Variants in RAPGEF6 observed in about 807,000 individuals in gnomAD.
The protein encoded by RAPGEF6 is PDZ domain containing guanine nucleotide exchange factor (GEF) 2.
Under a neutral mutation model 171.4 loss-of-function variants are expected in RAPGEF6, and 56 were observed. The observed-to-expected ratio is 0.33, with a 90% confidence interval of 0.26 to 0.41. The LOEUF (loss-of-function observed/expected upper bound fraction) is 0.41, where lower values mean the gene tolerates loss of function less well. Among genes scored for constraint, RAPGEF6 ranks in the 10% least tolerant of loss-of-function variants. The pLI, the probability that RAPGEF6 is intolerant of heterozygous loss-of-function variation, is 1.00. For synonymous variants in RAPGEF6, 692 were observed against 650.1 expected (o/e 1.06, Z -0.98); for missense variants, 1,674 against 1,921.4 (o/e 0.87, Z 2.41).
At chr5:131,571,924 ATGTTACTTTG>A (rs1762319213) in intron 4 of RAPGEF6, among the ~76,000 whole-genome samples, 1 of 152,028 alleles carries the variant, frequency 6.6e-6, no homozygotes, top group South Asian at 2.1e-4. Flanking sequence ...GCCCTTGTGA[ATGTTACTTTG>A]TAACATCCTC....
chr5:131,433,999 A>G (rs954064270), intron 24 of RAPGEF6, among the ~76,000 whole-genome samples: 12 of 152,326 alleles, frequency 7.9e-5, no homozygotes, highest in Admixed American at 1.3e-4. Context: ...ACAAATATTA[A>G]TAAGTACATG....
chr5:131,607,929 CGTTTTTCATAA>C (rs941032005), intron 1 of RAPGEF6, among the ~76,000 whole-genome samples: 1 of 152,162 alleles, frequency 6.6e-6, no homozygotes, highest in Non-Finnish European at 1.5e-5. Flanking sequence ...ATATATAAAA[CGTTTTTCATAA>C]GATAGGACAT....
intron 4 of RAPGEF6, among the ~76,000 whole-genome samples, chr5:131,571,535 T>C (rs1025782387): frequency 5.9e-5 from 9 of 152,320 alleles, no homozygotes; most frequent in Middle Eastern, 3.4e-3. Context: ...ATCTCTACAC[T>C]GAAAACTGCA....
At chr5:131,497,453 T>A (rs867390946) in intron 12 of RAPGEF6, among the ~76,000 whole-genome samples, 1 of 152,216 alleles carries the variant, frequency 6.6e-6, no homozygotes, top group African/African-American at 2.4e-5. Context: ...TCCAAGGCCA[T>A]GATAATCTAC....
intron 21 of RAPGEF6, chr5:131,447,417 C>A (rs1015644873): frequency 6.6e-6 from 1 of 152,122 alleles, no homozygotes; most frequent in African/African-American, 2.4e-5. Flanking sequence ...GTGAATGTGA[C>A]AGAATTGCAA....
chr5:131,460,382 C>T (rs1400279177), intron 19 of RAPGEF6, among the ~76,000 whole-genome samples: 2 of 152,142 alleles, frequency 1.3e-5, no homozygotes, highest in East Asian at 1.9e-4. Flanking sequence ...GGTTTTTAGA[C>T]CTCTACCACT....
intron 24 of RAPGEF6, chr5:131,436,332 G>C: frequency 6.5e-7 from 1 of 1,537,554 alleles, no homozygotes; most frequent in Non-Finnish European, 8.7e-7. Flanking sequence ...CTATTCCGGG[G>C]CAGCTCTGGC....
intron 15 of RAPGEF6, among the ~76,000 whole-genome samples, chr5:131,484,495 G>T (rs569948957): frequency 1.3e-5 from 2 of 152,060 alleles, no homozygotes; most frequent in Non-Finnish European, 2.9e-5. Context: ...GATTACAGGC[G>T]TGAGCCACTG....
Position 131,547,897 on chromosome 5 carries a change from C to A in RAPGEF6, c.495+150G>T. The A allele has an allele frequency of 6.3e-6, 5 of 795,964 alleles. No homozygotes were observed. In the South Asian group the frequency reaches 9.9e-5, roughly 16 times the overall value. The allele number at this position is 795,964 out of a possible 1,614,324, so 49.3% of individuals were successfully genotyped here. A position where few individuals can be genotyped will look rare whatever the true frequency, so the allele number is the denominator to read the frequency against. On this transcript the variant is annotated intron_variant, in intron 6 of 27. Transcript: ENST00000509018. ...AGCATTCCTAACCAATTCAACCAAA[C>A]AGAAGCATTTAAAAAGATTATATAT...
At chr5:131,544,938 C>T (rs1261882047) in intron 6 of RAPGEF6, among the ~76,000 whole-genome samples, 2 of 152,102 alleles carry the variant, frequency 1.3e-5, no homozygotes, top group African/African-American at 2.4e-5. Flanking sequence ...CTGCCTCGGC[C>T]CCCAAAGTGC....
intron 14 of RAPGEF6, among the ~76,000 whole-genome samples, chr5:131,490,862 A>G (rs1756231895): frequency 6.6e-6 from 1 of 152,248 alleles, no homozygotes; most frequent in South Asian, 2.1e-4. Flanking sequence ...AAGCAGGTGT[A>G]AATGTCTAAA....
At chr5:131,554,910 A>G (rs1477686872) in intron 5 of RAPGEF6, among the ~76,000 whole-genome samples, 2 of 152,086 alleles carry the variant, frequency 1.3e-5, no homozygotes, top group Non-Finnish European at 2.9e-5. Context: ...AGGAAGGAAA[A>G]AAGAACTTAA....
intron 7 of RAPGEF6, among the ~76,000 whole-genome samples, chr5:131,520,341 T>A (rs1758395284): frequency 6.6e-6 from 1 of 152,230 alleles, no homozygotes; most frequent in South Asian, 2.1e-4. Context: ...CTCTGTTTTT[T>A]GATGACTTAA....
At position 131,441,169 on chromosome 5, in the gene RAPGEF6, G is replaced by GT. The variant is rs1405554776; in HGVS notation, c.3610+1179dup. The stretch of plus-strand genomic sequence containing the variant: ...ATCTTGGAAGCTGTTTAGTACAGTG[G>GT]TTAAAGGCAAAGATTTAAAGCCAGT... On this transcript the variant is annotated intron_variant, in intron 23 of 27. Coordinates refer to ENST00000509018, the MANE Select transcript of RAPGEF6 (RefSeq NM_016340.6). 2.6e-5 allele frequency among the ~76,000 whole-genome samples: 4 copies of GT among 152,172 alleles called. No individual in the cohort carries two copies. The East Asian group carries it at 7.7e-4, about 29-fold the overall frequency.
chr5:131,463,449 T>G (rs1754082895), intron 18 of RAPGEF6, among the ~76,000 whole-genome samples: 1 of 151,896 alleles, frequency 6.6e-6, no homozygotes, highest in African/African-American at 2.4e-5. Context: ...CATGGTGGCA[T>G]GTGCCTGTAG....
At chr5:131,622,350 C>T (rs1036767218) in intron 1 of RAPGEF6, among the ~76,000 whole-genome samples, 5 of 152,212 alleles carry the variant, frequency 3.3e-5, no homozygotes, top group African/African-American at 1.2e-4. Context: ...ATGAGCCTGA[C>T]TACACGACAA....
At chr5:131,440,754 A>AG (rs1561466257) in intron 23 of RAPGEF6, among the ~76,000 whole-genome samples, 1 of 151,292 alleles carries the variant, frequency 6.6e-6, no homozygotes, top group Non-Finnish European at 1.5e-5. Context: ...AAAAAAAAAA[A>AG]AAAAAAAGAA....
At chr5:131,595,661 G>GA (rs981339903) in intron 3 of RAPGEF6, among the ~76,000 whole-genome samples, 78 of 150,612 alleles carry the variant, frequency 5.2e-4, no homozygotes, top group African/African-American at 1.3e-3. Context: ...GAAGGCTACA[G>GA]AAAAAAAAAT....
chr5:131,621,428 G>A (rs1765586826), intron 1 of RAPGEF6, among the ~76,000 whole-genome samples: 1 of 151,772 alleles, frequency 6.6e-6, no homozygotes, highest in South Asian at 2.1e-4. Flanking sequence ...TAGCTGGCAT[G>A]CACCACCACA....
Sources: allele counts gnomAD v4.1 joint callset (sites outside exome capture counted in the v4.1 genomes callset), GRCh38; gene constraint gnomAD v4.1.1; transcripts MANE v1.5; gene names NCBI Gene and HGNC (gene_info 2026-07-23, HGNC 2026-07-21).